ACACA: variants seen among roughly 807,000 people sequenced by gnomAD.
The protein encoded by ACACA is acetyl-CoA carboxylase 1.
ACACA carries 103 observed loss-of-function variants against 296.1 expected under a neutral mutation model. The ratio of observed to expected loss-of-function variants is 0.35; its 90% CI spans 0.30 to 0.41. The LOEUF is 0.41. ACACA is among the 10% of genes least tolerant of loss of function. ACACA has a pLI of 1.00. For missense variants in ACACA, 1,554 were observed against 2,989.7 expected (o/e 0.52, Z 11.20); for synonymous variants, 953 against 1,038.6 (o/e 0.92, Z 1.58).
chr17:37,368,473 C>T (rs1024529948), intron 1 of ACACA, among the ~76,000 whole-genome samples: 2 of 149,408 alleles, frequency 1.3e-5, no homozygotes, highest in East Asian at 2.0e-4. Context: ...CCCAGCTACT[C>T]GGGAAGCTGA....
chr17:37,394,271 T>C (rs1312204825), intron 1 of ACACA, among the ~76,000 whole-genome samples: 151,599 of 151,602 alleles, frequency 1, 75,798 homozygotes, highest in Non-Finnish European at 1. Flanking sequence ...AGTGCAATGG[T>C]TCAATCTCAG....
Position 37,097,268 on chromosome 17 carries a change from C to T in ACACA, c.6721-102G>A. ...ATAAAAACTGATTCTCCAGGCAAGC[C>T]CTTCACAGACCCAAGAGCTGGCTGT... On this transcript the variant is annotated intron_variant, in intron 53 of 55. Coordinates refer to ENST00000616317, the MANE Select transcript of ACACA (RefSeq NM_198834.3). This position sits in a 1 kb window ranked among gnomAD's most constrained non-coding sequence, Gnocchi z 4.8. 1 of 1,343,998 alleles carries T rather than the reference C, an allele frequency of 7.4e-7. No homozygotes were observed. The highest frequency in any genetic ancestry group is 2.5e-5 in the East Asian group (1 of 40,584). 83.3% of individuals were successfully genotyped at this position (1,343,998 alleles called of 1,614,324 possible). A position where few individuals can be genotyped will look rare whatever the true frequency, so the allele number is the denominator to read the frequency against.
In ACACA at chr17:37,181,216, T is replaced by G; in HGVS notation, c.4917A>C (p.Pro1639=). The G allele has an allele frequency of 6.2e-7, 1 of 1,614,206 alleles. No homozygotes were observed. The highest frequency in any genetic ancestry group is 8.5e-7 in the Non-Finnish European group (1 of 1,180,024). The change falls in exon 40 of 56, where the codon CCA becomes CCC. Residue 1639 remains proline (P), a synonymous_variant. Coordinates refer to ENST00000616317, the MANE Select transcript of ACACA (RefSeq NM_198834.3). The part of the protein sequence containing the change: ...SLGTTYIYDI[P]EMFRQSLIKL... ...GGCATCTTACCTGCCGAAACATCTC[T>G]GGGATATCATATATGTATGTTGTCC...
intron 41 of ACACA, among the ~76,000 whole-genome samples, chr17:37,167,062 A>G (rs569428709): frequency 6.7e-6 from 1 of 150,006 alleles, no homozygotes; most frequent in African/African-American, 2.5e-5. Flanking sequence ...CTCCTGCCTC[A>G]GTTTCCTGAG....
chr17:37,200,352 A>T, intron 34 of ACACA, 75 bp downstream of exon 34: 1 of 1,467,170 alleles, frequency 6.8e-7, no homozygotes, highest in South Asian at 1.1e-5. Flanking sequence ...TAAGTATAAG[A>T]TTACAATCCC....
At chr17:37,180,615 T>C (rs2077282465) in intron 40 of ACACA, among the ~76,000 whole-genome samples, 1 of 152,208 alleles carries the variant, frequency 6.6e-6, no homozygotes, top group Non-Finnish European at 1.5e-5. Flanking sequence ...TGATTCACCA[T>C]ACAGATTGAA....
At chr17:37,149,770 G>T in intron 45 of ACACA, 94 bp downstream of exon 45, 2 of 1,123,066 alleles carry the variant, frequency 1.8e-6, no homozygotes, top group South Asian at 1.2e-5. Context: ...GGCACGGATT[G>T]AACTGCTTCC....
chr17:37,092,104 T>C (rs1263175215), intron 54 of ACACA, among the ~76,000 whole-genome samples: 5 of 151,414 alleles, frequency 3.3e-5, no homozygotes, highest in East Asian at 3.9e-4. Flanking sequence ...CTGGGCAACA[T>C]GGCAAAACCC....
chr17:37,350,494 T>A (rs774666039), intron 1 of ACACA, among the ~76,000 whole-genome samples: 3 of 151,954 alleles, frequency 2.0e-5, no homozygotes, highest in Non-Finnish European at 4.4e-5. Context: ...CATTCCAGCA[T>A]GGGCAAAAGA....
chr17:37,363,724 G>A (rs547410670), intron 1 of ACACA, among the ~76,000 whole-genome samples: 8 of 151,802 alleles, frequency 5.3e-5, no homozygotes, highest in East Asian at 3.9e-4. Context: ...GGTGGCTCAC[G>A]CCTGTAATCC....
chr17:37,201,030 T>G (rs570419381), intron 33 of ACACA, among the ~76,000 whole-genome samples: 1 of 152,204 alleles, frequency 6.6e-6, no homozygotes, highest in East Asian at 1.9e-4. Flanking sequence ...TTACCTTACA[T>G]GAAGGCATTT....
At chr17:37,126,859 T>C (rs1272641748) in intron 47 of ACACA, among the ~76,000 whole-genome samples, 5 of 152,248 alleles carry the variant, frequency 3.3e-5, no homozygotes, top group African/African-American at 1.2e-4. Flanking sequence ...ATTCTGGTCT[T>C]GTGTTGGGCG....
At position 37,144,163 on chromosome 17, in the gene ACACA, C is replaced by A. The variant is rs148041994; in HGVS notation, c.5679+5701G>T. 2,816 of 746,820 alleles carry A rather than the reference C, an allele frequency of 3.8e-3. 51 individuals carry two copies. The African/African-American group carries it at 0.042, about 11-fold the overall frequency. 46.3% of individuals were successfully genotyped at this position (746,820 alleles called of 1,614,324 possible). On this transcript the variant is annotated intron_variant, in intron 45 of 55. Coordinates refer to ENST00000616317, the MANE Select transcript of ACACA (RefSeq NM_198834.3). ...AGACATGGTCTTCCACCTCTCTGAG[C>A]ACTTCTTAGAAAACTGAGAAGTTGA...
rs889841034 is a variant in ACACA at position 37,230,395 on chromosome 17, T to A, written c.3247-3943A>T. 5.5e-3 allele frequency among the ~76,000 whole-genome samples: 740 copies of A among 134,644 alleles called. 6 individuals carry two copies. Among genetic ancestry groups the A allele is most frequent in the African/African-American group, 0.022 (712 of 32,250 alleles). The allele number at this position is 134,644 out of a possible 152,430, so 88.3% of individuals were successfully genotyped here. A position where few individuals can be genotyped will look rare whatever the true frequency, so the allele number is the denominator to read the frequency against. ...GCGAAACTCCATCTCAAAAAATAAATAAATAAATAAATAAATAAATAAATA... is the reference window on the plus strand; with the variant it reads ...GCGAAACTCCATCTCAAAAAATAAAAAAATAAATAAATAAATAAATAAATA... On this transcript the variant is annotated intron_variant, in intron 25 of 55. Coordinates refer to ENST00000616317, the MANE Select transcript of ACACA (RefSeq NM_198834.3).
intron 52 of ACACA, among the ~76,000 whole-genome samples, chr17:37,107,996 C>T (rs938532791): frequency 2.0e-5 from 3 of 152,140 alleles, no homozygotes; most frequent in Non-Finnish European, 2.9e-5. Flanking sequence ...TGGAGGGCTG[C>T]GGCTCCATTT....
At chr17:37,235,799 G>C (rs957036334) in intron 24 of ACACA, among the ~76,000 whole-genome samples, 1 of 152,090 alleles carries the variant, frequency 6.6e-6, no homozygotes, top group Admixed American at 6.5e-5. Context: ...AAGTCAAAAG[G>C]TCTGTAGGGA....
At chr17:37,311,740 C>T (rs567642852) in intron 3 of ACACA, among the ~76,000 whole-genome samples, 14 of 151,846 alleles carry the variant, frequency 9.2e-5, no homozygotes, top group Admixed American at 2.6e-4. Context: ...GGCATGGTGG[C>T]GCGCACCTGT....
In ACACA at chr17:37,085,683, T is replaced by C. The variant is rs562400530; in HGVS notation, c.*1633A>G. On this transcript the variant is annotated 3_prime_UTR_variant, in exon 56 of 56. Coordinates refer to ENST00000616317, the MANE Select transcript of ACACA (RefSeq NM_198834.3). ...TGACTCCTGGGGGCTGTCCGCTCCA[T>C]ACCCAGCCATACAGTGCCCACCTGC... 4 of 399,096 alleles carry C rather than the reference T, an allele frequency of 1.0e-5. No individual in the cohort carries two copies. The Admixed American group carries it at 1.8e-4, about 18-fold the overall frequency. The allele number at this position is 399,096 out of a possible 1,614,324, so 24.7% of individuals were successfully genotyped here.
At chr17:37,163,727 GA>G (rs1421380933) in intron 41 of ACACA, among the ~76,000 whole-genome samples, 1 of 152,174 alleles carries the variant, frequency 6.6e-6, no homozygotes, top group Non-Finnish European at 1.5e-5. Context: ...TCTAGCACCA[GA>G]AAAACCAAAG....
Sources: gnomAD v4.1 joint callset for allele counts (sites outside exome capture counted in the v4.1 genomes callset) on GRCh38, gnomAD v4.1.1 for gene constraint, Gnocchi (gnomAD v3.1) non-coding constraint, MANE v1.5 for transcripts, NCBI Gene and HGNC (gene_info 2026-07-23, HGNC 2026-07-21) for gene names.